CELF4: variants seen among roughly 807,000 people sequenced by gnomAD.
CELF4 encodes CUG-BP- and ETR-3-like factor 4.
Under a neutral mutation model 59.9 loss-of-function variants are expected in CELF4, and 18 were observed. The observed-to-expected ratio is 0.30, with a 90% CI of 0.21 to 0.45. The LOEUF (loss-of-function observed/expected upper bound fraction) is 0.45, where lower values mean the gene tolerates loss of function less well. CELF4 is among the 20% of genes least tolerant of loss of function. The probability of loss-of-function intolerance (pLI) is 1.00; values close to 1 mark genes in which losing one functional copy is unlikely to be tolerated. For synonymous variants in CELF4, 261 were observed against 267.1 expected (o/e 0.98, Z 0.22); for missense variants, 456 against 689.0 (o/e 0.66, Z 3.79).
At chr18:37,329,959 A>G (rs2097479073) in intron 2 of CELF4, among the ~76,000 whole-genome samples, 1 of 152,178 alleles carries the variant, frequency 6.6e-6, no homozygotes, top group South Asian at 2.1e-4. Context: ...TGTTTTAAGC[A>G]TTGCCCAGGT....
chr18:37,257,475 C>T (rs1274812434), intron 11 of CELF4, among the ~76,000 whole-genome samples: 1 of 152,190 alleles, frequency 6.6e-6, no homozygotes, highest in Non-Finnish European at 1.5e-5. Context: ...GCTGGGGCAA[C>T]TCCATGCCAT....
At chr18:37,265,075 C>G (rs557545504) in intron 9 of CELF4, among the ~76,000 whole-genome samples, 1 of 144,596 alleles carries the variant, frequency 6.9e-6, no homozygotes, top group African/African-American at 2.5e-5. Context: ...TGTGGGTGTA[C>G]GTGTGTGTAC....
chr18:37,282,654 C>T (rs2094292658), intron 3 of CELF4, among the ~76,000 whole-genome samples: 1 of 152,180 alleles, frequency 6.6e-6, no homozygotes, highest in East Asian at 1.9e-4. Flanking sequence ...GGTCTGCACT[C>T]CCATCCTTGG....
At chr18:37,557,420 G>A (rs994569264) in intron 1 of CELF4, among the ~76,000 whole-genome samples, 3 of 152,228 alleles carry the variant, frequency 2.0e-5, no homozygotes, top group Non-Finnish European at 2.9e-5. Flanking sequence ...CAGTGGCTGT[G>A]CAGAAAGGAT....
At chr18:37,292,870 T>C (rs951517866) in intron 3 of CELF4, among the ~76,000 whole-genome samples, 1 of 152,282 alleles carries the variant, frequency 6.6e-6, no homozygotes, top group Admixed American at 6.5e-5. Flanking sequence ...ACACTGCTGG[T>C]ATTTTATACA....
chr18:37,466,855 G>T (rs1299008870), intron 2 of CELF4, among the ~76,000 whole-genome samples: 3 of 152,168 alleles, frequency 2.0e-5, no homozygotes, highest in Non-Finnish European at 4.4e-5. Flanking sequence ...TTGGAATGCT[G>T]GCCAAGGACT....
intron 2 of CELF4, among the ~76,000 whole-genome samples, chr18:37,404,739 C>A (rs2099363819): frequency 6.6e-6 from 1 of 152,188 alleles, no homozygotes; most frequent in South Asian, 2.1e-4. Context: ...TGACCAAGAC[C>A]AGTGTGGAGG....
intron 2 of CELF4, among the ~76,000 whole-genome samples, chr18:37,394,424 C>T (rs1444052582): frequency 6.6e-6 from 1 of 152,182 alleles, no homozygotes; most frequent in African/African-American, 2.4e-5. Context: ...GCCCTTGGTC[C>T]AGCAGCCGGG....
intron 9 of CELF4, 52 bp from the exon 10 acceptor site, chr18:37,264,809 G>A: frequency 1.4e-6 from 2 of 1,444,382 alleles, no homozygotes. Context: ...GAGAGTGGAA[G>A]CAGGAAGAAA....
intron 1 of CELF4, among the ~76,000 whole-genome samples, chr18:37,562,073 G>A (rs2099986702): frequency 1.3e-5 from 2 of 152,058 alleles, no homozygotes; most frequent in African/African-American, 4.8e-5. Flanking sequence ...TGGCCTCCAG[G>A]GGGTAAATTT....
chr18:37,323,682 C>A (rs1181207050), intron 2 of CELF4, among the ~76,000 whole-genome samples: 1 of 152,206 alleles, frequency 6.6e-6, no homozygotes, highest in Non-Finnish European at 1.5e-5. Context: ...CTCCCCCAAA[C>A]AGGTCTTAAG....
intron 8 of CELF4, among the ~76,000 whole-genome samples, chr18:37,266,898 G>A (rs1414669085): frequency 6.6e-6 from 1 of 152,076 alleles, no homozygotes; most frequent in African/African-American, 2.4e-5. Flanking sequence ...GGGTTGGGGA[G>A]GAGATGCCAA....
intron 10 of CELF4, among the ~76,000 whole-genome samples, chr18:37,263,856 C>T (rs1662931): frequency 0.056 from 8,477 of 152,144 alleles, 772 homozygotes; most frequent in African/African-American, 0.19. Flanking sequence ...CTCCTGGTCA[C>T]CCAGAGGGCA....
chr18:37,297,597 A>G (rs375656693), intron 3 of CELF4, among the ~76,000 whole-genome samples: 3 of 152,244 alleles, frequency 2.0e-5, no homozygotes, highest in African/African-American at 4.8e-5. Context: ...TCCTAAGGAT[A>G]TAATGTAATA....
intron 2 of CELF4, among the ~76,000 whole-genome samples, chr18:37,421,690 G>A (rs368903992): frequency 6.6e-6 from 1 of 152,374 alleles, no homozygotes; most frequent in East Asian, 1.9e-4. Context: ...TAAACAGATC[G>A]GAGGCTCAGG....
At chr18:37,412,658 G>T (rs891345973) in intron 2 of CELF4, among the ~76,000 whole-genome samples, 1 of 152,176 alleles carries the variant, frequency 6.6e-6, no homozygotes, top group East Asian at 1.9e-4. Context: ...ATGGGTGAAT[G>T]GATGGATAGA....
chr18:37,308,459 C>G (rs553388967), intron 3 of CELF4, among the ~76,000 whole-genome samples: 1 of 152,312 alleles, frequency 6.6e-6, no homozygotes, highest in Admixed American at 6.5e-5. Flanking sequence ...GGGCACAGGC[C>G]ACCCCTCTGC....
chr18:37,299,210 A>ACTGCAG (rs2095851955), intron 3 of CELF4, among the ~76,000 whole-genome samples: 1 of 152,216 alleles, frequency 6.6e-6, no homozygotes, highest in Admixed American at 6.5e-5. Flanking sequence ...CAGAAGAGGC[A>ACTGCAG]CTGCAGCAGG....
At chr18:37,560,301 C>G (rs754764534) in intron 1 of CELF4, among the ~76,000 whole-genome samples, 2 of 152,176 alleles carry the variant, frequency 1.3e-5, no homozygotes, top group Non-Finnish European at 2.9e-5. Context: ...CCAAGAAAGT[C>G]TGTTTAAAAG....
Sources: gnomAD v4.1 joint callset for allele counts (sites outside exome capture counted in the v4.1 genomes callset) on GRCh38, gnomAD v4.1.1 for gene constraint, MANE v1.5 for transcripts, NCBI Gene and HGNC (gene_info 2026-07-23, HGNC 2026-07-21) for gene names.